Variants in TSG101 observed in about 807,000 individuals in gnomAD.
TSG101 encodes tumor susceptibility 101.
A neutral mutation model predicts 48.5 loss-of-function variants in TSG101; 19 were observed. The observed-to-expected ratio is 0.39, with a 90% confidence interval of 0.27 to 0.58. The LOEUF is 0.58. Ranked by LOEUF, TSG101 falls within the 20% of genes least tolerant of loss-of-function variation. TSG101 has a pLI of 0.55. For missense variants in TSG101, 365 were observed against 484.4 expected, an observed-to-expected ratio of 0.75 and a Z score of 2.31; for synonymous variants, 174 against 169.4, an observed-to-expected ratio of 1.03 and a Z score of -0.21.
chr11:18,492,396 C>T (rs1336804727), intron 7 of TSG101, among the ~76,000 whole-genome samples: 3 of 152,212 alleles, frequency 2.0e-5, no homozygotes, highest in African/African-American at 7.2e-5. Context: ...CACATAAACA[C>T]ATCAACATAC....
At chr11:18,508,072 C>G (rs1850004140) in intron 5 of TSG101, among the ~76,000 whole-genome samples, 1 of 144,522 alleles carries the variant, frequency 6.9e-6, no homozygotes, top group African/African-American at 2.6e-5. Flanking sequence ...CCGGCCTGGG[C>G]AACAGAGCGA....
chr11:18,482,416 C>A (rs1849554675), intron 8 of TSG101, among the ~76,000 whole-genome samples: 1 of 152,208 alleles, frequency 6.6e-6, no homozygotes, highest in African/African-American at 2.4e-5. Context: ...AATCTAGAAC[C>A]ACTTTGTAAG....
intron 8 of TSG101, among the ~76,000 whole-genome samples, chr11:18,482,164 T>C (rs759319077): frequency 3.7e-4 from 56 of 152,196 alleles, no homozygotes; most frequent in Non-Finnish European, 7.3e-4. Context: ...TCAGACAAGA[T>C]ACTTTCCAGC....
intron 8 of TSG101, among the ~76,000 whole-genome samples, chr11:18,482,419 T>C (rs1364322572): frequency 1.3e-5 from 2 of 152,218 alleles, no homozygotes; most frequent in Non-Finnish European, 2.9e-5. Flanking sequence ...CTAGAACCAC[T>C]TTGTAAGGCT....
chr11:18,483,027 C>CGTGT lies in TSG101; in HGVS notation c.843+839_843+842dup, dbSNP rs61603313. Among the ~76,000 whole-genome samples, 54 of 150,972 alleles carry CGTGT rather than the reference C, an allele frequency of 3.6e-4. 1 individual carries two copies. In the East Asian group the frequency reaches 8.2e-3, roughly 23 times the overall value. On this transcript the variant is annotated intron_variant, in intron 8 of 9. Transcript: ENST00000251968. ...TATCTCACAGAAAGGGACCTGTGTG[C>CGTGT]GTGTGTGTGTGTGTGTAGCAGGGGG... is the stretch of plus-strand genomic sequence containing the variant.
chr11:18,521,813 A>C (rs1850283084), intron 1 of TSG101, among the ~76,000 whole-genome samples: 1 of 151,262 alleles, frequency 6.6e-6, no homozygotes, highest in African/African-American at 2.4e-5. Flanking sequence ...AGTAGCTGGG[A>C]CTACAGGTAT....
intron 7 of TSG101, among the ~76,000 whole-genome samples, chr11:18,492,308 G>A (rs1393382191): frequency 2.0e-5 from 3 of 152,212 alleles, no homozygotes; most frequent in African/African-American, 7.2e-5. Flanking sequence ...CAACAGTGGT[G>A]GTATTCCATT....
At chr11:18,499,392 A>ATTTTTTTTTTTT (rs1565087405) in intron 7 of TSG101, among the ~76,000 whole-genome samples, 1 of 5,356 alleles carries the variant, frequency 1.9e-4, no homozygotes, top group Non-Finnish European at 3.7e-4. Context: ...ATATATATAT[A>ATTTTTTTTTTTT]TATATATATA....
At chr11:18,519,771 T>A (rs1248762913) in intron 1 of TSG101, among the ~76,000 whole-genome samples, 168 bp from the exon 2 acceptor site, 1 of 152,238 alleles carries the variant, frequency 6.6e-6, no homozygotes, top group African/African-American at 2.4e-5. Context: ...CACTATTTTC[T>A]TAACATCAGT....
chr11:18,513,460 T>A (rs975524493), intron 4 of TSG101, among the ~76,000 whole-genome samples: 2 of 151,834 alleles, frequency 1.3e-5, no homozygotes, highest in African/African-American at 4.8e-5. Flanking sequence ...CATGCCAAGG[T>A]TTTTTTAAAA....
intron 1 of TSG101, among the ~76,000 whole-genome samples, chr11:18,526,248 T>A (rs1190534900): frequency 6.6e-6 from 1 of 152,222 alleles, no homozygotes; most frequent in Non-Finnish European, 1.5e-5. Flanking sequence ...AGAAAATCCC[T>A]GAAATGGTAA....
intron 7 of TSG101, chr11:18,491,097 G>A (rs1167938341): frequency 5.9e-6 from 1 of 168,694 alleles, no homozygotes; most frequent in African/African-American, 2.4e-5. Flanking sequence ...AGCAGCTCCT[G>A]TATTCGGATA....
chr11:18,490,317 A>G, intron 7 of TSG101: 1 of 591,466 alleles, frequency 1.7e-6, no homozygotes, highest in Non-Finnish European at 3.3e-6. Context: ...TAATTGCATG[A>G]TCAGAGTGCT....
chr11:18,503,370 A>AT (rs397848238), intron 6 of TSG101, among the ~76,000 whole-genome samples: 43,602 of 130,846 alleles, frequency 0.33, 8,075 homozygotes, highest in East Asian at 0.6. Flanking sequence ...TTCAGGTTAA[A>AT]TTTTTTTTTT....
At chr11:18,520,274 A>G (rs984301659) in intron 1 of TSG101, among the ~76,000 whole-genome samples, 5 of 152,196 alleles carry the variant, frequency 3.3e-5, no homozygotes, top group African/African-American at 1.2e-4. Context: ...CCCAGGATGA[A>G]GTAGAGTGGC....
At chr11:18,523,042 A>C (rs1413823213) in intron 1 of TSG101, among the ~76,000 whole-genome samples, 1 of 152,116 alleles carries the variant, frequency 6.6e-6, no homozygotes, top group East Asian at 1.9e-4. Flanking sequence ...GGTATGCACC[A>C]CGCCTGGCTA....
chr11:18,517,938 CTA>C (rs750843962), intron 2 of TSG101, among the ~76,000 whole-genome samples: 22 of 152,164 alleles, frequency 1.4e-4, no homozygotes, highest in African/African-American at 2.4e-5. Flanking sequence ...TTTGTTTACT[CTA>C]AAAGTATTTG....
intron 4 of TSG101, among the ~76,000 whole-genome samples, chr11:18,510,248 C>T (rs1194189894): frequency 6.6e-6 from 1 of 151,026 alleles, no homozygotes; most frequent in African/African-American, 2.4e-5. Flanking sequence ...TGGCAAAATC[C>T]CATCTCTACT....
At chr11:18,517,555 C>A (rs758660462) in intron 2 of TSG101, among the ~76,000 whole-genome samples, 2 of 152,114 alleles carry the variant, frequency 1.3e-5, no homozygotes, top group Non-Finnish European at 2.9e-5. Context: ...GAACACTGGT[C>A]CCATAAGATT....
Sources: gnomAD v4.1 joint callset for allele counts (sites outside exome capture counted in the v4.1 genomes callset) on GRCh38, gnomAD v4.1.1 for gene constraint, MANE v1.5 for transcripts, NCBI Gene and HGNC (gene_info 2026-07-23, HGNC 2026-07-21) for gene names.